HDAC9: variants seen among roughly 807,000 people sequenced by gnomAD.
The protein encoded by HDAC9 is MEF-2 interacting transcription repressor (MITR) protein.
HDAC9 carries 41 observed loss-of-function variants against 139.4 expected under a neutral mutation model. That is an observed-to-expected ratio of 0.29 (90% confidence interval 0.23 to 0.38). HDAC9 has a LOEUF of 0.38. Among genes scored for constraint, HDAC9 ranks in the 10% least tolerant of loss-of-function variants. HDAC9 has a pLI of 1.00. For synonymous variants in HDAC9, 517 were observed against 476.2 expected (o/e 1.09, Z -1.12); for missense variants, 1,147 against 1,297.0 (o/e 0.88, Z 1.78).
At chr7:18,925,967 A>G (rs10246722) in intron 22 of HDAC9, among the ~76,000 whole-genome samples, 30,039 of 152,082 alleles carry the variant, frequency 0.2, 3,247 homozygotes, top group East Asian at 0.38. Flanking sequence ...TAGTTTCCTC[A>G]TCCACTTCTT....
chr7:18,130,114 T>G (rs1784910940), intron 1 of HDAC9, among the ~76,000 whole-genome samples: 2 of 152,122 alleles, frequency 1.3e-5, no homozygotes, highest in African/African-American at 4.8e-5. Flanking sequence ...CAAAATCCTT[T>G]GAATATTTTC....
intron 2 of HDAC9, among the ~76,000 whole-genome samples, chr7:18,526,747 A>T (rs1025555227): frequency 6.6e-6 from 1 of 152,178 alleles, no homozygotes; most frequent in Non-Finnish European, 1.5e-5. Context: ...TACATAACTT[A>T]AAAAGAAAAA....
chr7:18,167,982 G>A (rs913798699), intron 2 of HDAC9, among the ~76,000 whole-genome samples: 1 of 152,156 alleles, frequency 6.6e-6, no homozygotes, highest in Non-Finnish European at 1.5e-5. Context: ...TGAAGAGATT[G>A]AAACACATTA....
chr7:18,579,669 T>G (rs1827161606), intron 2 of HDAC9, among the ~76,000 whole-genome samples: 1 of 152,248 alleles, frequency 6.6e-6, no homozygotes, highest in Non-Finnish European at 1.5e-5. Context: ...TTGTGGCCTC[T>G]GTAATTATGT....
At chr7:18,755,035 G>C (rs1788759110) in intron 14 of HDAC9, among the ~76,000 whole-genome samples, 1 of 151,830 alleles carries the variant, frequency 6.6e-6, no homozygotes. Context: ...TGCTTAGTTT[G>C]CAAAAAAAAA....
At chr7:18,978,014 G>A (rs1209202531) in intron 25 of HDAC9, among the ~76,000 whole-genome samples, 2 of 151,600 alleles carry the variant, frequency 1.3e-5, no homozygotes, top group Non-Finnish European at 2.9e-5. Context: ...CTCTTTTCAG[G>A]GGAATACTAT....
At chr7:18,727,981 T>C (rs1199271385) in intron 13 of HDAC9, among the ~76,000 whole-genome samples, 1 of 152,204 alleles carries the variant, frequency 6.6e-6, no homozygotes, top group African/African-American at 2.4e-5. Context: ...TCCAAGGGCC[T>C]GGAAAATACA....
chr7:18,350,087 T>G (rs1045604596), intron 1 of HDAC9, among the ~76,000 whole-genome samples: 1 of 152,166 alleles, frequency 6.6e-6, no homozygotes, highest in Non-Finnish European at 1.5e-5. Flanking sequence ...TCTTTTATTT[T>G]GAAGTTTGCC....
chr7:18,544,568 TA>T (rs1391752029), intron 2 of HDAC9, among the ~76,000 whole-genome samples: 2 of 152,172 alleles, frequency 1.3e-5, no homozygotes, highest in Non-Finnish European at 2.9e-5. Flanking sequence ...GCTGTGAGCA[TA>T]GTCTGTGAAG....
chr7:18,553,424 A>G (rs1401889941), intron 2 of HDAC9, among the ~76,000 whole-genome samples: 1 of 152,208 alleles, frequency 6.6e-6, no homozygotes, highest in Non-Finnish European at 1.5e-5. Context: ...TAAAAAATAA[A>G]TCATGGCAAT....
intron 13 of HDAC9, among the ~76,000 whole-genome samples, chr7:18,737,075 G>A (rs960401388): frequency 6.6e-6 from 1 of 152,094 alleles, no homozygotes; most frequent in African/African-American, 2.4e-5. Flanking sequence ...GGGATTGGTG[G>A]TGATATCCCC....
chr7:18,365,431 A>G (rs749314528), intron 1 of HDAC9, among the ~76,000 whole-genome samples: 10 of 152,150 alleles, frequency 6.6e-5, no homozygotes, highest in Non-Finnish European at 4.4e-5. Context: ...CACATTCACC[A>G]TCCCTGGTAT....
At chr7:18,633,924 G>T (rs773787963) in intron 7 of HDAC9, among the ~76,000 whole-genome samples, 3 of 152,082 alleles carry the variant, frequency 2.0e-5, no homozygotes, top group Non-Finnish European at 4.4e-5. Context: ...TAAAGAATCT[G>T]TCTTGTTGTT....
At chr7:18,097,489 A>T in intron 1 of HDAC9, among the ~76,000 whole-genome samples, 1 of 145,110 alleles carries the variant, frequency 6.9e-6, no homozygotes, top group African/African-American at 2.5e-5. Context: ...TTAATGACCC[A>T]GGTTATCTTG....
chr7:18,278,584 G>C (rs117742999), intron 2 of HDAC9, among the ~76,000 whole-genome samples: 3,681 of 152,158 alleles, frequency 0.024, 69 homozygotes, highest in Middle Eastern at 0.037. Flanking sequence ...TCAGGGATTG[G>C]CATGTTTACA....
At chr7:18,570,138 A>G (rs950780065) in intron 2 of HDAC9, among the ~76,000 whole-genome samples, 1 of 152,142 alleles carries the variant, frequency 6.6e-6, no homozygotes, top group Admixed American at 6.5e-5. Flanking sequence ...GAATCAGTAG[A>G]TTCACAGATT....
At chr7:18,851,870 A>G (rs1475208095) in intron 21 of HDAC9, among the ~76,000 whole-genome samples, 1 of 152,172 alleles carries the variant, frequency 6.6e-6, no homozygotes, top group African/African-American at 2.4e-5. Flanking sequence ...TGGTTTCCTG[A>G]ATATTTAGAT....
At chr7:18,976,159 A>T (rs1784535857) in intron 25 of HDAC9, among the ~76,000 whole-genome samples, 1 of 152,228 alleles carries the variant, frequency 6.6e-6, no homozygotes, top group Admixed American at 6.5e-5. Flanking sequence ...GAGCTGGAGC[A>T]TGTGGTTGCA....
chr7:18,180,761 TA>T (rs1473384749), intron 2 of HDAC9, among the ~76,000 whole-genome samples: 1 of 152,190 alleles, frequency 6.6e-6, no homozygotes, highest in Non-Finnish European at 1.5e-5. Context: ...CTTGGTGGCC[TA>T]AAACAAAGGA....
Sources: allele counts gnomAD v4.1 joint callset (sites outside exome capture counted in the v4.1 genomes callset), GRCh38; gene constraint gnomAD v4.1.1; transcripts MANE v1.5; gene names NCBI Gene and HGNC (gene_info 2026-07-23, HGNC 2026-07-21).